Variants in CSMD1 observed in about 807,000 individuals in gnomAD.
CSMD1 encodes CUB and Sushi multiple domains 1.
Under a neutral mutation model 417.5 loss-of-function variants are expected in CSMD1, and 213 were observed. The ratio of observed to expected loss-of-function variants is 0.51; its 90% CI spans 0.46 to 0.57. CSMD1 has a LOEUF of 0.57. CSMD1 is among the 20% of genes least tolerant of loss of function. The pLI is 0.00. For synonymous variants in CSMD1, 2,862 were observed against 1,736.8 expected (o/e 1.65, Z -16.11); for missense variants, 6,923 against 4,529.7 (o/e 1.53, Z -15.17).
intron 26 of CSMD1, among the ~76,000 whole-genome samples, chr8:3,269,599 A>G (rs1801689240): frequency 6.6e-6 from 1 of 152,234 alleles, no homozygotes; most frequent in South Asian, 2.1e-4. Flanking sequence ...GCAAAACCTG[A>G]GAATGAAACA....
At chr8:4,012,435 CTTTTA>C (rs1171844744) in intron 4 of CSMD1, among the ~76,000 whole-genome samples, 1 of 152,096 alleles carries the variant, frequency 6.6e-6, no homozygotes, top group Non-Finnish European at 1.5e-5. Context: ...TTATTCTTAA[CTTTTA>C]TTTTTGTTTC....
chr8:3,653,910 C>G (rs1259360416), intron 7 of CSMD1, among the ~76,000 whole-genome samples: 2 of 152,202 alleles, frequency 1.3e-5, no homozygotes, highest in Non-Finnish European at 2.9e-5. Context: ...AAAATCAGCA[C>G]TTGCTCTTGT....
chr8:4,420,182 T>G, intron 2 of CSMD1, 117 bp from the exon 3 acceptor site: 1 of 619,850 alleles, frequency 1.6e-6, no homozygotes, highest in South Asian at 1.9e-5. Flanking sequence ...AAATATGGCA[T>G]TAAACACTTA....
chr8:3,837,052 C>T (rs1241582387), intron 5 of CSMD1, among the ~76,000 whole-genome samples: 1 of 151,334 alleles, frequency 6.6e-6, no homozygotes, highest in Non-Finnish European at 1.5e-5. Flanking sequence ...AATTGATGCC[C>T]ATGGGTGATT....
At chr8:3,276,185 G>A (rs1263894191) in intron 26 of CSMD1, among the ~76,000 whole-genome samples, 4 of 152,008 alleles carry the variant, frequency 2.6e-5, no homozygotes, top group African/African-American at 9.7e-5. Flanking sequence ...GGAGTACTCG[G>A]CCGTGTGAGG....
At chr8:3,974,115 C>A (rs2130112247) in intron 5 of CSMD1, among the ~76,000 whole-genome samples, 1 of 152,020 alleles carries the variant, frequency 6.6e-6, no homozygotes, top group East Asian at 1.9e-4. Context: ...CTTTTTGTAC[C>A]CACATAATAG....
At chr8:4,990,605 C>T (rs1391829547) in intron 1 of CSMD1, among the ~76,000 whole-genome samples, 1 of 152,140 alleles carries the variant, frequency 6.6e-6, no homozygotes, top group Non-Finnish European at 1.5e-5. Context: ...ATGATCCACC[C>T]ACCTCAGCCT....
intron 3 of CSMD1, among the ~76,000 whole-genome samples, chr8:4,253,514 G>C (rs993533485): frequency 5.3e-5 from 8 of 152,094 alleles, no homozygotes; most frequent in African/African-American, 1.9e-4. Flanking sequence ...AAGCCCCTGG[G>C]ATAGAGAAAG....
At chr8:4,904,920 G>T (rs1276817877) in intron 1 of CSMD1, among the ~76,000 whole-genome samples, 1 of 152,110 alleles carries the variant, frequency 6.6e-6, no homozygotes, top group Non-Finnish European at 1.5e-5. Context: ...CACTTCTGTA[G>T]AATACTGTCC....
At chr8:4,353,221 T>A (rs1196885587) in intron 3 of CSMD1, among the ~76,000 whole-genome samples, 1 of 151,970 alleles carries the variant, frequency 6.6e-6, no homozygotes, top group Non-Finnish European at 1.5e-5. Flanking sequence ...AAGTGAATCA[T>A]GACGACGGTT....
chr8:3,301,850 A>C (rs914095071), intron 25 of CSMD1, among the ~76,000 whole-genome samples: 1 of 152,186 alleles, frequency 6.6e-6, no homozygotes, highest in African/African-American at 2.4e-5. Context: ...AGTAACAGGA[A>C]AGTCATGGGA....
At chr8:4,291,140 A>G (rs576866063) in intron 3 of CSMD1, among the ~76,000 whole-genome samples, 2 of 152,300 alleles carry the variant, frequency 1.3e-5, no homozygotes, top group South Asian at 4.1e-4. Context: ...CTGAGTCTTA[A>G]TATGGTTTGG....
chr8:3,677,623 T>A (rs1170890801), intron 7 of CSMD1, among the ~76,000 whole-genome samples: 1 of 152,160 alleles, frequency 6.6e-6, no homozygotes, highest in Non-Finnish European at 1.5e-5. Flanking sequence ...GAACCTCTCT[T>A]TTAAGCAAAA....
At chr8:3,773,637 C>A (rs1426783231) in intron 5 of CSMD1, among the ~76,000 whole-genome samples, 1 of 152,108 alleles carries the variant, frequency 6.6e-6, no homozygotes, top group Non-Finnish European at 1.5e-5. Flanking sequence ...AACTATTTGG[C>A]AGTTTTATTC....
Position 3,899,024 on chromosome 8 carries a change from C to G in CSMD1, c.818+98879G>C, listed in dbSNP as rs150168911. On this transcript the variant is annotated intron_variant, in intron 5 of 69. Transcript: ENST00000635120. ...AATATGTGCTAGAAGCCACAAAGGTCGTACGCGTCCAGGAAAAGAAAACAA... is the reference window on the plus strand; with the variant it reads ...AATATGTGCTAGAAGCCACAAAGGTGGTACGCGTCCAGGAAAAGAAAACAA... Among the ~76,000 whole-genome samples the G allele has an allele frequency of 1.3e-3, 200 of 152,144 alleles. 1 individual carries two copies. The highest frequency in any genetic ancestry group is 2.4e-3 in the Non-Finnish European group (162 of 68,008).
chr8:3,300,507 C>G lies in CSMD1; in HGVS notation c.3950+7188G>C, dbSNP rs754394625. Among the ~76,000 whole-genome samples the G allele has an allele frequency of 2.0e-5, 3 of 152,232 alleles. No individual in the cohort carries two copies. The South Asian group carries it at 6.2e-4, about 32-fold the overall frequency. ...GCTCAGGCGAGTGAAATGACTGACTCTGCTTTATAGAAAGACTTGTACTAA... is the reference window on the plus strand; with the variant it reads ...GCTCAGGCGAGTGAAATGACTGACTGTGCTTTATAGAAAGACTTGTACTAA... On this transcript the variant is annotated intron_variant, in intron 25 of 69. Coordinates refer to ENST00000635120, the MANE Select transcript of CSMD1 (RefSeq NM_033225.6).
intron 1 of CSMD1, among the ~76,000 whole-genome samples, chr8:4,838,238 T>G (rs1174622122): frequency 6.6e-6 from 1 of 152,216 alleles, no homozygotes; most frequent in East Asian, 1.9e-4. Context: ...TCGTTCTGGG[T>G]TTTATTCACT....
intron 2 of CSMD1, among the ~76,000 whole-genome samples, chr8:4,594,841 A>G (rs1800171708): frequency 6.6e-6 from 1 of 152,186 alleles, no homozygotes; most frequent in South Asian, 2.1e-4. Context: ...TGTCTAGGAC[A>G]CAATTCCTTA....
At chr8:3,704,445 A>G (rs541547543) in intron 7 of CSMD1, among the ~76,000 whole-genome samples, 2 of 152,326 alleles carry the variant, frequency 1.3e-5, no homozygotes, top group South Asian at 4.1e-4. Context: ...GGTACTTTGT[A>G]CTTGCCTAGG....
Sources: gnomAD v4.1 joint callset for allele counts (sites outside exome capture counted in the v4.1 genomes callset) on GRCh38, gnomAD v4.1.1 for gene constraint, MANE v1.5 for transcripts, NCBI Gene and HGNC (gene_info 2026-07-23, HGNC 2026-07-21) for gene names.